MYT1L: variants seen among roughly 807,000 people sequenced by gnomAD.
The protein encoded by MYT1L is myelin transcription factor 1 like.
MYT1L carries 12 observed loss-of-function variants against 126.7 expected under a neutral mutation model. The observed-to-expected ratio is 0.09, with a 90% confidence interval of 0.06 to 0.15. The LOEUF (loss-of-function observed/expected upper bound fraction) is 0.15, where lower values mean the gene tolerates loss of function less well. Ranked by LOEUF, MYT1L falls within the 10% of genes least tolerant of loss-of-function variation. MYT1L has a pLI of 1.00. For synonymous variants in MYT1L, 541 were observed against 604.2 expected, an observed-to-expected ratio of 0.90 and a Z score of 1.53; for missense variants, 979 against 1,585.2, an observed-to-expected ratio of 0.62 and a Z score of 6.49.
intron 8 of MYT1L, among the ~76,000 whole-genome samples, chr2:1,952,801 C>CT (rs200566430): frequency 5.2e-5 from 3 of 57,594 alleles, no homozygotes; most frequent in African/African-American, 1.8e-4. Flanking sequence ...CCCTCCTTCT[C>CT]TCCCTCCCTC....
intron 4 of MYT1L, among the ~76,000 whole-genome samples, chr2:2,004,922 GC>G (rs2063032509): frequency 6.6e-6 from 1 of 150,434 alleles, no homozygotes; most frequent in African/African-American, 2.5e-5. Flanking sequence ...GTTCTTTCCT[GC>G]AGGCATTCTT....
chr2:1,808,247 A>T (rs2036030863), intron 22 of MYT1L, among the ~76,000 whole-genome samples: 1 of 152,134 alleles, frequency 6.6e-6, no homozygotes, highest in Non-Finnish European at 1.5e-5. Context: ...GATACTGTGG[A>T]TTCCTTAACA....
intron 1 of MYT1L, among the ~76,000 whole-genome samples, chr2:2,285,989 C>CT (rs71404170): frequency 0.22 from 33,729 of 150,648 alleles, 4,687 homozygotes; most frequent in East Asian, 0.35. Context: ...CTTCTTCTTC[C>CT]TTTTTTTTTG....
chr2:2,297,398 C>T lies in MYT1L; in HGVS notation c.-520-12895G>A, dbSNP rs561255414. 1.4e-4 allele frequency among the ~76,000 whole-genome samples: 21 copies of T among 152,334 alleles called. No homozygotes were observed. The East Asian group carries it at 2.1e-3, about 15-fold the overall frequency. On this transcript the variant is annotated intron_variant, in intron 1 of 24. Coordinates refer to ENST00000647738, the MANE Select transcript of MYT1L (RefSeq NM_001303052.2). Reference sequence around the variant, plus strand: ...CACCTGCACAGGGGCGTAAGCCAGGCCCATCCCAGGCCCACCAGGAGGAGG... The same window carrying T: ...CACCTGCACAGGGGCGTAAGCCAGGTCCATCCCAGGCCCACCAGGAGGAGG...
At position 2,224,155 on chromosome 2, in the gene MYT1L, C is replaced by A. The variant is rs542442809; in HGVS notation, c.-420-51167G>T. On this transcript the variant is annotated intron_variant, in intron 2 of 24. Transcript: ENST00000647738. This position sits in a 1 kb window ranked among gnomAD's most constrained non-coding sequence, Gnocchi z 4.0. ...AGGGCATAACCCCACTTCCAGTGAGCCTTTGGTCAATTTGTATGTGAACAG... is the reference window on the plus strand; with the variant it reads ...AGGGCATAACCCCACTTCCAGTGAGACTTTGGTCAATTTGTATGTGAACAG... Among the ~76,000 whole-genome samples the A allele has an allele frequency of 6.6e-6, 1 of 152,268 alleles. No homozygotes were observed. Among genetic ancestry groups the A allele is most frequent in the South Asian group, 2.1e-4 (1 of 4,824 alleles).
chr2:2,239,021 ACT>A (rs2094385739), intron 2 of MYT1L, among the ~76,000 whole-genome samples: 1 of 152,260 alleles, frequency 6.6e-6, no homozygotes, highest in African/African-American at 2.4e-5. Flanking sequence ...GACCCAGCCT[ACT>A]GGCCACACTG....
intron 4 of MYT1L, among the ~76,000 whole-genome samples, chr2:2,011,187 G>T (rs2063782512): frequency 6.6e-6 from 1 of 152,132 alleles, no homozygotes; most frequent in Non-Finnish European, 1.5e-5. Flanking sequence ...TCAGGAGTTT[G>T]AGACCAGCCT....
chr2:2,291,495 AC>A (rs2095598974), intron 1 of MYT1L, among the ~76,000 whole-genome samples: 1 of 152,228 alleles, frequency 6.6e-6, no homozygotes, highest in Admixed American at 6.5e-5. Context: ...AGACTGGCCA[AC>A]AGGAAAGTGT....
intron 2 of MYT1L, among the ~76,000 whole-genome samples, chr2:2,235,839 T>A (rs548853536): frequency 1.1e-3 from 174 of 152,312 alleles, no homozygotes; most frequent in African/African-American, 4.0e-3. Flanking sequence ...TCATTTCTAA[T>A]TAAAATATTT....
At chr2:1,903,320 A>G in intron 13 of MYT1L, 26 bp from the exon 14 acceptor site, 1 of 1,576,414 alleles carries the variant, frequency 6.3e-7, no homozygotes, top group Non-Finnish European at 8.7e-7. Flanking sequence ...AAAACAAACA[A>G]CAGCTTGCTT....
intron 4 of MYT1L, among the ~76,000 whole-genome samples, chr2:2,027,514 G>C (rs1040034322): frequency 6.6e-6 from 1 of 152,196 alleles, no homozygotes; most frequent in African/African-American, 2.4e-5. Context: ...ATAAGCCAAC[G>C]TGTAGAATAG....
rs186055084 is a variant in MYT1L at position 1,910,949 on chromosome 2, G to T, written c.1710-602C>A. On this transcript the variant is annotated intron_variant, in intron 12 of 24. Coordinates refer to ENST00000647738, the MANE Select transcript of MYT1L (RefSeq NM_001303052.2). This position sits in a 1 kb window ranked among gnomAD's most constrained non-coding sequence, Gnocchi z 4.8. The stretch of plus-strand genomic sequence containing the variant: ...AGTCTAGACGGAGGAGACAGCAGCT[G>T]GGCTCTTTTGTGTGCAAGCTCACTT... 2.6e-5 allele frequency among the ~76,000 whole-genome samples: 4 copies of T among 152,308 alleles called. No individual in the cohort carries two copies. Among genetic ancestry groups the T allele is most frequent in the African/African-American group, 9.6e-5 (4 of 41,576 alleles).
chr2:1,858,083 C>T (rs1192322671), intron 18 of MYT1L, among the ~76,000 whole-genome samples: 1 of 152,210 alleles, frequency 6.6e-6, no homozygotes, highest in Non-Finnish European at 1.5e-5. Flanking sequence ...AGGCTGGTCT[C>T]AAACTCCTGA....
intron 3 of MYT1L, among the ~76,000 whole-genome samples, chr2:2,140,950 A>T (rs979249424): frequency 3.9e-5 from 6 of 152,176 alleles, no homozygotes; most frequent in African/African-American, 1.4e-4. Context: ...ACTTTTTTTT[A>T]AATTAACCCA....
intron 4 of MYT1L, among the ~76,000 whole-genome samples, chr2:2,017,991 T>C (rs1412465751): frequency 6.6e-6 from 1 of 152,198 alleles, no homozygotes; most frequent in African/African-American, 2.4e-5. Context: ...CACTACACTC[T>C]TAAAATTAAG....
At chr2:2,158,816 C>T (rs568782818) in intron 3 of MYT1L, among the ~76,000 whole-genome samples, 15 of 152,132 alleles carry the variant, frequency 9.9e-5, no homozygotes, top group East Asian at 5.8e-4. Flanking sequence ...TGTCTTTCAC[C>T]GACAGGCAGA....
rs1475673062 is a variant in MYT1L at position 1,877,048 on chromosome 2, T to C, written c.2711+9491A>G. 2.0e-5 allele frequency among the ~76,000 whole-genome samples: 3 copies of C among 152,052 alleles called. No individual in the cohort carries two copies. In the East Asian group the frequency reaches 5.8e-4, roughly 29 times the overall value. On this transcript the variant is annotated intron_variant, in intron 18 of 24. Transcript: ENST00000647738. ...CAGTCCGTGGTTCTGTAGGATAAATTATAACCCTGCAGCAGAAAAACCCAC... is the reference window on the plus strand; with the variant it reads ...CAGTCCGTGGTTCTGTAGGATAAATCATAACCCTGCAGCAGAAAAACCCAC...
chr2:1,810,922 C>T (rs1197375365), intron 21 of MYT1L, among the ~76,000 whole-genome samples: 2 of 151,962 alleles, frequency 1.3e-5, no homozygotes, highest in Non-Finnish European at 2.9e-5. Context: ...TGACTGTGTC[C>T]CCTGAAAACT....
intron 4 of MYT1L, among the ~76,000 whole-genome samples, chr2:2,003,424 C>T (rs1184366018): frequency 6.6e-6 from 1 of 152,198 alleles, no homozygotes; most frequent in East Asian, 1.9e-4. Context: ...GTCACCCTGG[C>T]CCATGGTCCT....
Sources: gnomAD v4.1 joint callset for allele counts (sites outside exome capture counted in the v4.1 genomes callset) on GRCh38, gnomAD v4.1.1 for gene constraint, Gnocchi (gnomAD v3.1) non-coding constraint, MANE v1.5 for transcripts, NCBI Gene and HGNC (gene_info 2026-07-23, HGNC 2026-07-21) for gene names.